Variants in PLCE1 observed in about 807,000 individuals in gnomAD.
PLCE1 encodes the protein phospholipase C epsilon 1.
In PLCE1, 119 loss-of-function variants were observed where a neutral mutation model predicts 242.8. That is an observed-to-expected ratio of 0.49 (90% CI 0.42 to 0.57). The LOEUF (loss-of-function observed/expected upper bound fraction) is 0.57. Among genes scored for constraint, PLCE1 ranks in the 20% least tolerant of loss-of-function variants. The probability of loss-of-function intolerance (pLI) is 0.00; values close to 1 mark genes in which losing one functional copy is unlikely to be tolerated. For synonymous variants in PLCE1, 945 were observed against 1,017.4 expected (o/e 0.93, Z 1.35); for missense variants, 2,441 against 2,788.8 (o/e 0.88, Z 2.81).
intron 3 of PLCE1, among the ~76,000 whole-genome samples, chr10:94,145,757 G>A (rs1303408168): frequency 1.3e-5 from 2 of 151,972 alleles, no homozygotes; most frequent in African/African-American, 2.4e-5. Context: ...TTTGGACCCT[G>A]GAGTTGTATT....
At chr10:94,085,658 G>A (rs1318708013) in intron 2 of PLCE1, among the ~76,000 whole-genome samples, 1 of 152,194 alleles carries the variant, frequency 6.6e-6, no homozygotes, top group Non-Finnish European at 1.5e-5. Flanking sequence ...ACTAAAGGGG[G>A]AACTAGTCAG....
At chr10:94,119,635 C>T (rs768905583) in intron 2 of PLCE1, among the ~76,000 whole-genome samples, 4 of 152,088 alleles carry the variant, frequency 2.6e-5, no homozygotes, top group Non-Finnish European at 5.9e-5. Context: ...GATGTTACCT[C>T]CTAGAAGAAC....
intron 4 of PLCE1, among the ~76,000 whole-genome samples, chr10:94,196,012 T>A (rs1390786374): frequency 2.0e-5 from 3 of 152,196 alleles, no homozygotes; most frequent in African/African-American, 7.2e-5. Context: ...CCAGCCACAT[T>A]GTTTATATGA....
At chr10:94,116,742 A>C (rs1183024229) in intron 2 of PLCE1, among the ~76,000 whole-genome samples, 1 of 152,160 alleles carries the variant, frequency 6.6e-6, no homozygotes, top group African/African-American at 2.4e-5. Context: ...AAACATAAAA[A>C]AGCTGATGAT....
chr10:94,178,614 G>A lies in PLCE1; in HGVS notation c.1809+7118G>A, dbSNP rs143554582. Among the ~76,000 whole-genome samples, 5 of 152,328 alleles carry A rather than the reference G, an allele frequency of 3.3e-5. No individual in the cohort carries two copies. The East Asian group carries it at 9.6e-4, about 29-fold the overall frequency. ...ATGCAGCTTAACTTCCTGGTAAAGA[G>A]TAGTAAGAATAAATAAACCATCTGG... On this transcript the variant is annotated intron_variant, in intron 4 of 32. Transcript: ENST00000371380.
chr10:94,005,655 C>T (rs1359729302), intron 1 of PLCE1, among the ~76,000 whole-genome samples: 1 of 152,182 alleles, frequency 6.6e-6, no homozygotes, highest in Admixed American at 6.5e-5. Context: ...TGGGTAGCAT[C>T]TCCCCAAAAC....
At chr10:94,211,862 G>T (rs1381557848) in intron 4 of PLCE1, among the ~76,000 whole-genome samples, 2 of 152,118 alleles carry the variant, frequency 1.3e-5, no homozygotes, top group Non-Finnish European at 2.9e-5. Flanking sequence ...CTGAACTACT[G>T]GTGGAGACAA....
chr10:94,051,286 CA>C (rs869233995), intron 2 of PLCE1, among the ~76,000 whole-genome samples: 400 of 29,336 alleles, frequency 0.014, no homozygotes, highest in South Asian at 0.058. Context: ...GACTCCAACT[CA>C]AAAAAAAAAA....
chr10:94,283,453 G>C, intron 20 of PLCE1: 1 of 309,220 alleles, frequency 3.2e-6, no homozygotes, highest in Non-Finnish European at 6.2e-6. Context: ...TTGACACGGG[G>C]TATCTTCCAT....
intron 2 of PLCE1, among the ~76,000 whole-genome samples, chr10:94,044,658 C>T (rs1464239701): frequency 1.3e-5 from 2 of 152,206 alleles, no homozygotes; most frequent in African/African-American, 4.8e-5. Context: ...GCACAAAGCT[C>T]ATGCCAAAGG....
At chr10:94,150,516 G>C in intron 3 of PLCE1, among the ~76,000 whole-genome samples, 1 of 152,166 alleles carries the variant, frequency 6.6e-6, no homozygotes. Context: ...CAAAGTATTT[G>C]TTCCAGCCAC....
intron 3 of PLCE1, among the ~76,000 whole-genome samples, chr10:94,158,816 G>A (rs1328657130): frequency 6.6e-6 from 1 of 150,446 alleles, no homozygotes; most frequent in African/African-American, 2.4e-5. Context: ...ATTACCTCTG[G>A]GTATGAGATT....
At chr10:94,174,539 G>A (rs961361066) in intron 4 of PLCE1, among the ~76,000 whole-genome samples, 1 of 152,052 alleles carries the variant, frequency 6.6e-6, no homozygotes, top group South Asian at 2.1e-4. Context: ...GGAGAAACCC[G>A]GTAGACACTG....
chr10:94,210,068 A>G (rs537811809), intron 4 of PLCE1, among the ~76,000 whole-genome samples: 3 of 152,150 alleles, frequency 2.0e-5, no homozygotes, highest in South Asian at 2.1e-4. Flanking sequence ...ATATTTGTCC[A>G]GTCAACAGAC....
rs751784043 is a variant in PLCE1 at position 94,246,626 on chromosome 10, G to A, written c.3096+5G>A. 3.4e-5 allele frequency: 55 copies of A among 1,612,656 alleles called. No homozygotes were observed. In the East Asian group the frequency reaches 3.6e-4, roughly 10 times the overall value. On this transcript the variant is annotated splice_donor_5th_base_variant and intron_variant, in intron 8 of 32. Coordinates refer to ENST00000371380, the MANE Select transcript of PLCE1 (RefSeq NM_016341.4). The stretch of plus-strand genomic sequence containing the variant: ...CAGTACGTCAGCCTTTATCAGGTAA[G>A]GGGTGCAGCCATCCCTCTTTCCTCA...
At chr10:94,122,387 C>A (rs2046324638) in intron 2 of PLCE1, among the ~76,000 whole-genome samples, 1 of 152,116 alleles carries the variant, frequency 6.6e-6, no homozygotes, top group Admixed American at 6.5e-5. Context: ...TCGAGAGGCT[C>A]CCTTGGCAGC....
chr10:94,027,500 A>C (rs2061471105), intron 1 of PLCE1, among the ~76,000 whole-genome samples: 1 of 152,198 alleles, frequency 6.6e-6, no homozygotes, highest in South Asian at 2.1e-4. Flanking sequence ...GTATATCCTC[A>C]GCCTTCCAGA....
chr10:94,224,104 G>A (rs555434965), intron 4 of PLCE1, among the ~76,000 whole-genome samples: 3 of 50,318 alleles, frequency 6.0e-5, no homozygotes, highest in Admixed American at 1.8e-4. Flanking sequence ...GTGTGTGTGC[G>A]TGTGTGTGTG....
At chr10:94,045,815 GT>G (rs2061870852) in intron 2 of PLCE1, among the ~76,000 whole-genome samples, 1 of 151,988 alleles carries the variant, frequency 6.6e-6, no homozygotes, top group East Asian at 1.9e-4. Context: ...AATAACCTTG[GT>G]TGGGCCAGGC....
Sources: gnomAD v4.1 joint callset for allele counts (sites outside exome capture counted in the v4.1 genomes callset) on GRCh38, gnomAD v4.1.1 for gene constraint, MANE v1.5 for transcripts, NCBI Gene and HGNC (gene_info 2026-07-23, HGNC 2026-07-21) for gene names.